DKC1: variants seen among roughly 807,000 people sequenced by gnomAD.
DKC1 encodes the protein H/ACA ribonucleoprotein complex subunit DKC1.
A neutral mutation model predicts 46.7 loss-of-function variants in DKC1; 4 were observed. The observed-to-expected ratio is 0.09, with a 90% CI of 0.04 to 0.20. The LOEUF (loss-of-function observed/expected upper bound fraction) is 0.20, where lower values mean the gene tolerates loss of function less well. Ranked by LOEUF, DKC1 falls within the 10% of genes least tolerant of loss-of-function variation. The pLI, the probability that DKC1 is intolerant of heterozygous loss-of-function variation, is 1.00. For synonymous variants in DKC1, 141 were observed against 142.4 expected (o/e 0.99, Z 0.07); for missense variants, 171 against 404.2 (o/e 0.42, Z 4.95).
At chrX:154,764,759 T>C in intron 1 of DKC1, 140 bp from the exon 2 acceptor site, 1 of 503,798 alleles carries the variant, frequency 2.0e-6, no homozygotes, top group Non-Finnish European at 3.6e-6. Context: ...AGTCTGTACT[T>C]GCAAAACATT....
chrX:154,776,822 G>A lies in DKC1; in HGVS notation c.1500G>A (p.Lys500=), dbSNP rs782551669. The A allele has an allele frequency of 3.6e-5, 43 of 1,206,084 alleles. No homozygotes were observed. The South Asian group carries it at 6.0e-4, about 17-fold the overall frequency. ...GDGDSDTTKK[K]KKKKKAKEVE... ...AGGACAGTGATACCACCAAGAAGAAGAAGAAGAAGAAGAAAGCAAAAGAGG... is the reference window on the plus strand; with the variant it reads ...AGGACAGTGATACCACCAAGAAGAAAAAGAAGAAGAAGAAAGCAAAAGAGG... Residue 500 remains lysine, a synonymous_variant, in exon 15 of 15, where the codon AAG becomes AAA. Coordinates refer to ENST00000369550, the MANE Select transcript of DKC1 (RefSeq NM_001363.5).
At chrX:154,774,552 G>C in intron 11 of DKC1, 50 bp from the exon 12 acceptor site, 1 of 1,085,563 alleles carries the variant, frequency 9.2e-7, no homozygotes, top group Non-Finnish European at 1.3e-6. Flanking sequence ...CACCATGCCC[G>C]CTTCCAGCAT....
At position 154,766,358 on chromosome X, in the gene DKC1, A is replaced by G; in HGVS notation, c.406A>G (p.Ile136Val). Residue 136 changes from isoleucine (I) to valine (V), a missense_variant, in exon 5 of 15, where the codon ATA becomes GTA. Ile to Val is a conservative substitution (Grantham distance 29). Coordinates refer to ENST00000369550, the MANE Select transcript of DKC1 (RefSeq NM_001363.5). The part of the protein sequence containing the change: ...PKVTGCLIVC[I>V]ERATRLVKSQ... ...GGTGACTGGTTGTTTAATCGTGTGC[A>G]TAGAACGAGCCACTCGCTTGGTGAA... The G allele has an allele frequency of 8.3e-7, 1 of 1,211,290 alleles. No individual in the cohort carries two copies. Among genetic ancestry groups the G allele is most frequent in the Non-Finnish European group, 1.1e-6 (1 of 895,369 alleles).
intron 1 of DKC1, 64 bp downstream of exon 1, chrX:154,763,045 A>C: frequency 1.8e-6 from 2 of 1,110,764 alleles, no homozygotes; most frequent in Non-Finnish European, 2.4e-6. Flanking sequence ...GGGTGGGGGG[A>C]TGGTATCGGG....
Position 154,777,347 on chromosome X carries a change from T to A in DKC1, c.*480T>A, listed in dbSNP as rs1444758845. 1 of 144,423 alleles carries A rather than the reference T, an allele frequency of 6.9e-6. No individual in the cohort carries two copies. Among genetic ancestry groups the A allele is most frequent in the Non-Finnish European group, 1.3e-5 (1 of 74,249 alleles). 11.9% of individuals were successfully genotyped at this position (144,423 alleles called of 1,213,427 possible). ...CAGTATAACTGAGTTTTGTCCATGC[T>A]GGTGTCTGGGTTATAGGCCTGATGG... is the stretch of plus-strand genomic sequence containing the variant. On this transcript the variant is annotated 3_prime_UTR_variant, in exon 15 of 15. Coordinates refer to ENST00000369550, the MANE Select transcript of DKC1 (RefSeq NM_001363.5).
chrX:154,763,623 C>T (rs1262356184), intron 1 of DKC1, among the ~76,000 whole-genome samples: 1 of 112,100 alleles, frequency 8.9e-6, no homozygotes, highest in Non-Finnish European at 1.9e-5. Flanking sequence ...ACCTTGTTTT[C>T]TCGCTTACCT....
At chrX:154,768,910 C>A (rs1377538879) in intron 8 of DKC1, 1 of 316,474 alleles carries the variant, frequency 3.2e-6, no homozygotes, top group African/African-American at 2.9e-5. Context: ...TGGCGTGAAC[C>A]CGGGAAGCGG....
Position 154,765,548 on chromosome X carries a change from T to G in DKC1, c.171+18T>G. ...TGCTAAAGGTATGTGGTTAAAATCG[T>G]GCATCAGATGAATGCCTGCTTTTAC... On this transcript the variant is annotated intron_variant, in intron 3 of 14. Transcript: ENST00000369550. 2.8e-6 allele frequency: 3 copies of G among 1,082,372 alleles called. No homozygotes were observed. In the South Asian group the frequency reaches 5.5e-5, roughly 20 times the overall value. 89.2% of individuals were successfully genotyped at this position (1,082,372 alleles called of 1,213,427 possible).
At chrX:154,776,091 G>A in intron 13 of DKC1, 96 bp from the exon 14 acceptor site, 1 of 1,068,921 alleles carries the variant, frequency 9.4e-7, no homozygotes, top group South Asian at 1.9e-5. Context: ...ATTCAGTTGG[G>A]ATCTTTCTTG....
rs1161452912 is a variant in DKC1 at position 154,766,309 on chromosome X, G to A, written c.357G>A (p.Gly119=). The A allele has an allele frequency of 1.4e-5, 17 of 1,206,328 alleles. No individual in the cohort carries two copies. Among genetic ancestry groups the A allele is most frequent in the African/African-American group, 1.8e-5 (1 of 56,345 alleles). ...GGATACTTCGGGTGGAGAAGACAGGGCACAGTGGTACGCTGGATCCCAAGG... is the reference window on the plus strand; with the variant it reads ...GGATACTTCGGGTGGAGAAGACAGGACACAGTGGTACGCTGGATCCCAAGG... ...IRRILRVEKT[G]HSGTLDPKVT... Residue 119 remains glycine, a synonymous_variant, in exon 5 of 15, where the codon GGG becomes GGA. Coordinates refer to ENST00000369550, the MANE Select transcript of DKC1 (RefSeq NM_001363.5).
At chrX:154,768,689 G>T in intron 8 of DKC1, 1 of 446,106 alleles carries the variant, frequency 2.2e-6, no homozygotes, top group Non-Finnish European at 4.0e-6. Context: ...TACTTCAACG[G>T]TTAAAGATGC....
intron 10 of DKC1, among the ~76,000 whole-genome samples, chrX:154,772,841 T>C: frequency 9.0e-6 from 1 of 111,457 alleles, no homozygotes; most frequent in Non-Finnish European, 1.9e-5. Context: ...CCAAAGGGAG[T>C]GTGCATGCCG....
intron 7 of DKC1, among the ~76,000 whole-genome samples, chrX:154,767,818 T>G (rs1419453201): frequency 2.7e-5 from 3 of 110,218 alleles, no homozygotes; most frequent in Non-Finnish European, 5.7e-5. Context: ...GTGTTAAAAA[T>G]TCTGCTAATA....
chrX:154,767,242 G>C lies in DKC1; in HGVS notation c.514-14G>C, dbSNP rs782765692. ...TCTGATGAGGTGTTTGTTTTCATTT[G>C]TGTTTGTTCTTAGGCCCTAGAAACT... On this transcript the variant is annotated splice_polypyrimidine_tract_variant and intron_variant, in intron 6 of 14. Coordinates refer to ENST00000369550, the MANE Select transcript of DKC1 (RefSeq NM_001363.5). 1 of 1,211,747 alleles carries C rather than the reference G, an allele frequency of 8.3e-7. No individual in the cohort carries two copies. The highest frequency in any genetic ancestry group is 1.1e-6 in the Non-Finnish European group (1 of 895,409).
chrX:154,765,671 T>A, intron 3 of DKC1, 141 bp downstream of exon 3: 1 of 614,766 alleles, frequency 1.6e-6, no homozygotes, highest in Non-Finnish European at 2.7e-6. Context: ...CAGGATTCCT[T>A]AAGGTATCTG....
chrX:154,775,426 C>G (rs1355265211), intron 13 of DKC1, 153 bp downstream of exon 13: 2 of 569,768 alleles, frequency 3.5e-6, no homozygotes, highest in Non-Finnish European at 6.0e-6. Context: ...GCCTCATACC[C>G]TGGGGTGCTT....
chrX:154,763,920 C>G (rs1175134910), intron 1 of DKC1, among the ~76,000 whole-genome samples: 2 of 111,394 alleles, frequency 1.8e-5, no homozygotes, highest in Non-Finnish European at 3.8e-5. Flanking sequence ...CCTGTGATCC[C>G]AGCCCAGGCT....
intron 1 of DKC1, among the ~76,000 whole-genome samples, 157 bp downstream of exon 1, chrX:154,763,138 C>G (rs2071701969): frequency 1.8e-5 from 2 of 112,530 alleles, no homozygotes; most frequent in Non-Finnish European, 3.8e-5. Context: ...TCTCTCGGCC[C>G]TGGCTCCGTG....
intron 11 of DKC1, 23 bp from the exon 12 acceptor site, chrX:154,774,579 T>C: frequency 2.5e-6 from 3 of 1,184,402 alleles, no homozygotes; most frequent in Non-Finnish European, 3.4e-6. Flanking sequence ...CATTCTAATG[T>C]TGACACCTTG....
Sources: gnomAD v4.1 joint callset for allele counts (sites outside exome capture counted in the v4.1 genomes callset) on GRCh38, gnomAD v4.1.1 for gene constraint, MANE v1.5 for transcripts, NCBI Gene and HGNC (gene_info 2026-07-23, HGNC 2026-07-21) for gene names.